Variants in GREB1 observed in about 807,000 individuals in gnomAD.
GREB1 encodes protein GREB1.
A neutral mutation model predicts 200.7 loss-of-function variants in GREB1; 106 were observed. The ratio of observed to expected loss-of-function variants is 0.53; its 90% CI spans 0.45 to 0.62. The LOEUF is 0.62. Among genes scored for constraint, GREB1 ranks in the 20% least tolerant of loss-of-function variants. GREB1 has a pLI of 0.00. For synonymous variants in GREB1, 1,132 were observed against 1,092.4 expected (o/e 1.04, Z -0.72); for missense variants, 2,243 against 2,556.8 (o/e 0.88, Z 2.65).
chr2:11,618,484 C>T lies in GREB1; in HGVS notation c.3609C>T (p.Ser1203=). The T allele has an allele frequency of 6.2e-7, 1 of 1,609,702 alleles. No individual in the cohort carries two copies. Among genetic ancestry groups the T allele is most frequent in the South Asian group, 1.1e-5 (1 of 90,344 alleles). ...GGCCGACGCCCCAGCCCGACTGTAG[C>T]CTCAGGACCGGCCAGAGGAGCGTCC... ...SPGPTPQPDC[S]LRTGQRSVQV... Residue 1203 remains serine, a synonymous_variant, in exon 22 of 33, where the codon AGC becomes AGT. Transcript: ENST00000381486.
intron 17 of GREB1, among the ~76,000 whole-genome samples, chr2:11,603,474 T>C (rs1681967176): frequency 1.3e-5 from 2 of 152,216 alleles, no homozygotes; most frequent in Non-Finnish European, 2.9e-5. Context: ...CTGAGAAACA[T>C]TTAAGGAAAG....
rs758947978 is a variant in GREB1, at chr2:11,638,652, T to G, written c.5548-19T>G. The G allele has an allele frequency of 6.2e-7, 1 of 1,609,320 alleles. No individual in the cohort carries two copies. Among genetic ancestry groups the G allele is most frequent in the South Asian group, 1.1e-5 (1 of 89,942 alleles). On this transcript the variant is annotated intron_variant, in intron 31 of 32. Transcript: ENST00000381486. The stretch of plus-strand genomic sequence containing the variant: ...TTTCATAGAAAACGGTGCCCTCTCT[T>G]GGATTTCTTCTTTTTCAGATTTCTG...
At chr2:11,511,383 A>G (rs1281466331) in intron 1 of GREB1, among the ~76,000 whole-genome samples, 1 of 152,138 alleles carries the variant, frequency 6.6e-6, no homozygotes, top group Non-Finnish European at 1.5e-5. Context: ...TTGGCTCCAC[A>G]TCTCTGAGAG....
Position 11,632,048 on chromosome 2 carries a change from A to G in GREB1, c.4751A>G (p.Tyr1584Cys). The change falls in exon 27 of 33, where the codon TAT (tyrosine) becomes TGT (cysteine). Residue 1584 changes from tyrosine (Y) to cysteine (C), a missense_variant. Around this residue, in one of 3 missense-constraint regions of GREB1, gnomAD observed 478 missense variants for 616.3 expected, o/e 0.78. Coordinates refer to ENST00000381486, the MANE Select transcript of GREB1 (RefSeq NM_014668.4). ...GTCAAGGAATACGAGATGGCAATTT[A>G]TAAGAAATATTGGCCCAACCACATC... ...LVVKEYEMAI[Y>C]KKYWPNHIML... 1 of 1,614,094 alleles carries G rather than the reference A, an allele frequency of 6.2e-7. No individual in the cohort carries two copies. The highest frequency in any genetic ancestry group is 8.5e-7 in the Non-Finnish European group (1 of 1,179,974).
At chr2:11,603,940 G>A (rs76255302) in intron 17 of GREB1, among the ~76,000 whole-genome samples, 1,683 of 152,248 alleles carry the variant, frequency 0.011, 31 homozygotes, top group African/African-American at 0.039. Context: ...GAGAAGTTAG[G>A]CTACTTGTCC....
At chr2:11,605,782 T>C (rs1375592994) in intron 17 of GREB1, among the ~76,000 whole-genome samples, 2 of 152,252 alleles carry the variant, frequency 1.3e-5, no homozygotes, top group Non-Finnish European at 2.9e-5. Flanking sequence ...CAATAGTTTG[T>C]TCCTTTTTAC....
chr2:11,485,885 A>C (rs1051057867), intron 1 of GREB1, among the ~76,000 whole-genome samples: 2 of 152,196 alleles, frequency 1.3e-5, no homozygotes, highest in Non-Finnish European at 2.9e-5. Flanking sequence ...ATGGTTAGAA[A>C]ATCAGGATGG....
rs555281672 is a variant in GREB1 at position 11,576,294 on chromosome 2, C to A, written c.455-59C>A. 4 of 1,391,760 alleles carry A rather than the reference C, an allele frequency of 2.9e-6. No individual in the cohort carries two copies. The Admixed American group carries it at 6.1e-5, about 21-fold the overall frequency. 86.2% of individuals were successfully genotyped at this position (1,391,760 alleles called of 1,614,324 possible). A position where few individuals can be genotyped will look rare whatever the true frequency, so the allele number is the denominator to read the frequency against. On this transcript the variant is annotated intron_variant, in intron 4 of 32. Coordinates refer to ENST00000381486, the MANE Select transcript of GREB1 (RefSeq NM_014668.4). ...TGCATTCCAGCCTAGATGACAAGAACGAGACTTCATCTCAAAAAAAAAAAA... is the reference window on the plus strand; with the variant it reads ...TGCATTCCAGCCTAGATGACAAGAAAGAGACTTCATCTCAAAAAAAAAAAA...
rs749757028 is a variant in GREB1 at position 11,631,968 on chromosome 2, G to A, written c.4671G>A (p.Gly1557=). The change falls in exon 27 of 33, where the codon GGG becomes GGA. Residue 1557 remains glycine, a synonymous_variant. Coordinates refer to ENST00000381486, the MANE Select transcript of GREB1 (RefSeq NM_014668.4). ...FTPTTGRHEH[G]LFNLYHAMDG... The stretch of plus-strand genomic sequence containing the variant: ...CAACCACCGGCCGTCACGAACATGG[G>A]CTCTTTAATCTGTACCACGCAATGG... 5 of 1,614,126 alleles carry A rather than the reference G, an allele frequency of 3.1e-6. No individual in the cohort carries two copies. Among genetic ancestry groups the A allele is most frequent in the South Asian group, 1.1e-5 (1 of 91,078 alleles).
At chr2:11,598,918 T>A in intron 15 of GREB1, 58 bp downstream of exon 15, 1 of 1,421,264 alleles carries the variant, frequency 7.0e-7, no homozygotes, top group Non-Finnish European at 9.9e-7. Flanking sequence ...GTGATGTATG[T>A]GGATGTTCCC....
intron 17 of GREB1, among the ~76,000 whole-genome samples, chr2:11,605,548 A>G (rs922435684): frequency 6.6e-6 from 1 of 152,160 alleles, no homozygotes; most frequent in Non-Finnish European, 1.5e-5. Flanking sequence ...TATTCAATTT[A>G]CATTTTGATC....
intron 11 of GREB1, among the ~76,000 whole-genome samples, chr2:11,593,473 G>A (rs538291849): frequency 1.9e-4 from 29 of 152,312 alleles, no homozygotes; most frequent in Non-Finnish European, 4.0e-4. Context: ...CCCTTGTTGT[G>A]TTGTCTGTGT....
chr2:11,623,617 G>T (rs1437143240), intron 23 of GREB1, among the ~76,000 whole-genome samples: 1 of 152,204 alleles, frequency 6.6e-6, no homozygotes, highest in Non-Finnish European at 1.5e-5. Flanking sequence ...AGGGCCAGGC[G>T]TGGTGGCTCA....
chr2:11,630,787 A>G (rs146386230), intron 26 of GREB1, among the ~76,000 whole-genome samples: 1 of 152,292 alleles, frequency 6.6e-6, no homozygotes, highest in African/African-American at 2.4e-5. Flanking sequence ...GTCTCTCACC[A>G]TTCTTACAGA....
In GREB1 at chr2:11,618,016, A is replaced by G. The variant is rs975458974; in HGVS notation, c.3413-272A>G. ...CCTCATAGGCAGGAGCTCAGTCAGAAAAGCTGCAACCACTGGGTCTGTTTG... is the reference window on the plus strand; with the variant it reads ...CCTCATAGGCAGGAGCTCAGTCAGAGAAGCTGCAACCACTGGGTCTGTTTG... On this transcript the variant is annotated intron_variant, in intron 21 of 32. Transcript: ENST00000381486. 2.2e-5 allele frequency among the ~76,000 whole-genome samples: 3 copies of G among 133,890 alleles called. No individual in the cohort carries two copies. The Admixed American group carries it at 2.3e-4, about 10-fold the overall frequency. The allele number at this position is 133,890 out of a possible 152,430, so 87.8% of individuals were successfully genotyped here. A position where few individuals can be genotyped will look rare whatever the true frequency, so the allele number is the denominator to read the frequency against.
At chr2:11,553,522 T>C (rs6432210) in intron 1 of GREB1, among the ~76,000 whole-genome samples, 37,744 of 151,912 alleles carry the variant, frequency 0.25, 8,073 homozygotes, top group African/African-American at 0.58. Flanking sequence ...TTTTCTATGC[T>C]GTCTTGTTTT....
chr2:11,597,846 C>G lies in GREB1; in HGVS notation c.2020C>G (p.His674Asp). ...QLAVAQKLLS[H>D]VCSIADSSTQ... is the part of the protein sequence containing the mutation. ...GGCAGTAGCGCAGAAGCTCCTCTCC[C>G]ATGTGTGTTCCATTGCGGATTCCAG... The change falls in exon 14 of 33, where the codon CAT becomes GAT. Residue 674 changes from histidine (H) to aspartate (D), a missense_variant. His to Asp is a moderately conservative substitution (Grantham distance 81). This residue lies in a region of GREB1 where 1,178 missense variants were observed against 1,387.4 expected (regional missense o/e 0.85). Coordinates refer to ENST00000381486, the MANE Select transcript of GREB1 (RefSeq NM_014668.4). This position sits in a 1 kb window ranked among gnomAD's most constrained non-coding sequence, Gnocchi z 4.1. 1.2e-6 allele frequency: 2 copies of G among 1,614,214 alleles called. No individual in the cohort carries two copies. Among genetic ancestry groups the G allele is most frequent in the Non-Finnish European group, 1.7e-6 (2 of 1,180,018 alleles).
At chr2:11,596,539 GT>G (rs1681243639) in intron 13 of GREB1, among the ~76,000 whole-genome samples, 4 of 71,404 alleles carry the variant, frequency 5.6e-5, no homozygotes, top group African/African-American at 2.8e-4. Flanking sequence ...CAGTGAGGGG[GT>G]GGGGGCACAG....
chr2:11,489,206 A>G (rs1370798725), intron 1 of GREB1, among the ~76,000 whole-genome samples: 4 of 152,176 alleles, frequency 2.6e-5, no homozygotes, highest in African/African-American at 4.8e-5. Context: ...TAATCCCAGC[A>G]CTTTAGGAGG....
Sources: gnomAD v4.1 joint callset for allele counts (sites outside exome capture counted in the v4.1 genomes callset) on GRCh38, gnomAD v4.1.1 for gene constraint, gnomAD v4.1.1 regional missense constraint, Gnocchi (gnomAD v3.1) non-coding constraint, MANE v1.5 for transcripts, NCBI Gene and HGNC (gene_info 2026-07-23, HGNC 2026-07-21) for gene names.